SUMF2: variants seen among roughly 807,000 people sequenced by gnomAD.
SUMF2 encodes sulfatase modifying factor 2, also known as inactive C-alpha-formylglycine-generating enzyme 2.
Under a neutral mutation model 44.8 loss-of-function variants are expected in SUMF2, and 45 were observed. That is an observed-to-expected ratio of 1.00 (90% CI 0.79 to 1.29). The LOEUF (loss-of-function observed/expected upper bound fraction) is 1.29, where lower values mean the gene tolerates loss of function less well. Among genes scored for constraint, SUMF2 ranks in the 50% most tolerant of loss-of-function variants. The probability of loss-of-function intolerance (pLI) is 0.00; values close to 1 mark genes in which losing one functional copy is unlikely to be tolerated. For synonymous variants in SUMF2, 148 were observed against 150.4 expected (o/e 0.98, Z 0.12); for missense variants, 418 against 389.9 (o/e 1.07, Z -0.61).
the SUMF2 span, chr7:56,087,697 C>T: frequency 5.8e-4 from 944 of 1,613,942 alleles, 1 homozygote; most frequent in Non-Finnish European, 7.5e-4. Flanking sequence ...CTGCCTCCAC[C>T]GGTGACGTCG....
chr7:56,084,752 C>T (rs979515261), downstream of SUMF2, among the ~76,000 whole-genome samples: 2 of 151,748 alleles, frequency 1.3e-5, no homozygotes, highest in African/African-American at 4.9e-5. Flanking sequence ...TTGCCAATTA[C>T]AGGATTAAGA....
downstream of SUMF2, chr7:56,083,579 C>T: frequency 6.7e-7 from 1 of 1,500,000 alleles, no homozygotes; most frequent in African/African-American, 1.4e-5. Flanking sequence ...CCCTGCCTCC[C>T]CTGAGACCCC....
At chr7:56,083,577 C>T, downstream of SUMF2, 2 of 1,490,452 alleles carry the variant, frequency 1.3e-6, no homozygotes, top group Non-Finnish European at 1.9e-6. Flanking sequence ...CGCCCTGCCT[C>T]CCCTGAGACC....
chr7:56,078,187 G>A lies in SUMF2; in HGVS notation c.676+1G>A. On this transcript the variant is annotated splice_donor_variant, in intron 7 of 8. Coordinates refer to ENST00000434526, the MANE Select transcript of SUMF2 (RefSeq NM_015411.4). LOFTEE classifies it high-confidence loss of function. ...GCTTTCCCCGCCCAGAACAACTACG[G>A]TAAGAGCTGTCTTGGGCTTGCGGCT... The A allele has an allele frequency of 6.2e-7, 1 of 1,610,346 alleles. No homozygotes were observed. Among genetic ancestry groups the A allele is most frequent in the Non-Finnish European group, 8.5e-7 (1 of 1,176,994 alleles).
chr7:56,068,057 C>CA (rs1794925995), intron 1 of SUMF2, among the ~76,000 whole-genome samples: 2 of 119,138 alleles, frequency 1.7e-5, no homozygotes, highest in East Asian at 5.2e-4. Context: ...TTTTTTGAGA[C>CA]AGAGTCTCGC....
At chr7:56,084,619 C>T (rs900824787), downstream of SUMF2, among the ~76,000 whole-genome samples, 2 of 151,698 alleles carry the variant, frequency 1.3e-5, no homozygotes, top group Non-Finnish European at 2.9e-5. Context: ...GGTGATCACC[C>T]GTCTCAGCCT....
downstream of SUMF2, among the ~76,000 whole-genome samples, chr7:56,084,764 T>C (rs990971570): frequency 1.3e-5 from 2 of 152,204 alleles, no homozygotes; most frequent in Non-Finnish European, 2.9e-5. Context: ...GGATTAAGAA[T>C]TGAGGTTCAA....
At chr7:56,072,024 C>T (rs1171135110) in intron 2 of SUMF2, among the ~76,000 whole-genome samples, 11 of 150,866 alleles carry the variant, frequency 7.3e-5, no homozygotes. Flanking sequence ...AAGAGAATCG[C>T]TTGAACCCAG....
the SUMF2 span, chr7:56,087,788 G>C: frequency 6.2e-7 from 1 of 1,600,448 alleles, no homozygotes. Flanking sequence ...TGGGAGTGCA[G>C]AGGACAGATG....
chr7:56,070,610 A>C (rs1341989206), intron 2 of SUMF2, among the ~76,000 whole-genome samples: 1 of 151,482 alleles, frequency 6.6e-6, no homozygotes, highest in Non-Finnish European at 1.5e-5. Flanking sequence ...AGCCTGGGCA[A>C]CAGAGAGACA....
rs1040969135 is a variant in SUMF2, at chr7:56,072,875, A to G, written c.225-122A>G. ...CAGGCTTCAGGTTAATTCCTTGGCA[A>G]TCATGAACACTCTGTGGTGTATAAC... On this transcript the variant is annotated intron_variant, in intron 2 of 8. Transcript: ENST00000434526. The G allele has an allele frequency of 1.8e-5, 12 of 665,132 alleles. 1 individual carries two copies. The highest frequency in any genetic ancestry group is 1.7e-4 in the South Asian group (9 of 52,612). 41.2% of individuals were successfully genotyped at this position (665,132 alleles called of 1,614,324 possible). A position where few individuals can be genotyped will look rare whatever the true frequency, so the allele number is the denominator to read the frequency against.
intron 2 of SUMF2, 27 bp downstream of exon 2, chr7:56,068,665 A>G (rs758696081): frequency 8.7e-6 from 14 of 1,604,228 alleles, no homozygotes; most frequent in African/African-American, 5.4e-5. Flanking sequence ...TCCAGGAGGA[A>G]TGAAGACCCT....
chr7:56,081,935 G>A (rs202235154), downstream of SUMF2: 4 of 1,613,740 alleles, frequency 2.5e-6, no homozygotes, highest in African/African-American at 1.3e-5. The surrounding 1 kb of genome is among the most constrained non-coding windows in gnomAD (Gnocchi z 4.6). Context: ...ACTCGGGCGA[G>A]CCAAACTGGT....
the SUMF2 span, chr7:56,086,758 A>G: frequency 6.7e-5 from 38 of 570,466 alleles, no homozygotes; most frequent in Non-Finnish European, 9.8e-5. Context: ...GAAAACCAAG[A>G]TTTAAAGAAA....
chr7:56,083,641 G>A, downstream of SUMF2: 1 of 1,577,478 alleles, frequency 6.3e-7, no homozygotes, highest in Non-Finnish European at 8.6e-7. Context: ...AGGGCAAAGG[G>A]ACCCTCACCT....
chr7:56,069,791 C>T (rs1453956847), intron 2 of SUMF2, among the ~76,000 whole-genome samples: 1 of 151,824 alleles, frequency 6.6e-6, no homozygotes, highest in Non-Finnish European at 1.5e-5. Flanking sequence ...GCCCTGTTGC[C>T]CAGGCTGGTC....
rs1409887919 is a variant in SUMF2 at position 56,078,382 on chromosome 7, G to A, written c.695G>A (p.Gly232Glu). The A allele has an allele frequency of 1.2e-6, 2 of 1,609,062 alleles. No individual in the cohort carries two copies. The highest frequency in any genetic ancestry group is 1.7e-5 in the Admixed American group (1 of 59,464). Residue 232 changes from glycine to glutamate, a missense_variant, in exon 8 of 9, where the codon GGG becomes GAG. Transcript: ENST00000434526. Reference sequence around the variant, plus strand: ...GCTGCAGGGCTCTATGACCTCCTGGGGAACGTGTGGGAGTGGACAGCATCA... The same window carrying A: ...GCTGCAGGGCTCTATGACCTCCTGGAGAACGTGTGGGAGTGGACAGCATCA... ...QNNYGLYDLLGNVWEWTASPY... is the reference protein window; with the variant it reads ...QNNYGLYDLLENVWEWTASPY...
At chr7:56,076,094 G>T (rs898822768) in intron 5 of SUMF2, among the ~76,000 whole-genome samples, 5 of 141,444 alleles carry the variant, frequency 3.5e-5, no homozygotes, top group Admixed American at 2.9e-4. Context: ...TGGCGCGATC[G>T]CGGCTCACTG....
intron 8 of SUMF2, 85 bp from the exon 9 acceptor site, chr7:56,079,443 C>G: frequency 7.3e-7 from 1 of 1,365,400 alleles, no homozygotes; most frequent in African/African-American, 1.4e-5. Flanking sequence ...CATGGCCGGC[C>G]CTGCGGATGA....
Sources: gnomAD v4.1 joint callset for allele counts (sites outside exome capture counted in the v4.1 genomes callset) on GRCh38, gnomAD v4.1.1 for gene constraint, Gnocchi (gnomAD v3.1) non-coding constraint, MANE v1.5 for transcripts, NCBI Gene and HGNC (gene_info 2026-07-23, HGNC 2026-07-21) for gene names.